PCM1: variants seen among roughly 807,000 people sequenced by gnomAD.
PCM1 encodes the protein pericentriolar material 1 protein.
PCM1 carries 157 observed loss-of-function variants against 241.9 expected under a neutral mutation model. That is an observed-to-expected ratio of 0.65 (90% CI 0.57 to 0.74). The LOEUF (loss-of-function observed/expected upper bound fraction) is 0.74. PCM1 is among the 30% of genes least tolerant of loss of function. The probability of loss-of-function intolerance (pLI) is 0.00; values close to 1 mark genes in which losing one functional copy is unlikely to be tolerated. For synonymous variants in PCM1, 1,085 were observed against 784.9 expected, an observed-to-expected ratio of 1.38 and a Z score of -6.39; for missense variants, 3,478 against 2,360.1, an observed-to-expected ratio of 1.47 and a Z score of -9.81.
intron 7 of PCM1, among the ~76,000 whole-genome samples, chr8:17,948,574 A>G (rs2064811223): frequency 6.6e-6 from 1 of 152,050 alleles, no homozygotes; most frequent in African/African-American, 2.4e-5. Context: ...AAGTGCTGGG[A>G]TTACAGGCGT....
intron 24 of PCM1, among the ~76,000 whole-genome samples, chr8:17,983,712 A>G (rs187993749): frequency 3.9e-5 from 6 of 152,304 alleles, no homozygotes; most frequent in Admixed American, 3.3e-4. Context: ...GACGTGATAA[A>G]TAAAGATCAT....
intron 33 of PCM1, 23 bp downstream of exon 33, chr8:18,011,389 A>G (rs757405859): frequency 4.6e-6 from 7 of 1,517,500 alleles, no homozygotes; most frequent in Non-Finnish European, 6.1e-6. Flanking sequence ...GCTCTGTACT[A>G]TCTTTATACT....
chr8:17,939,687 G>A lies in PCM1; in HGVS notation c.613-4G>A. The A allele has an allele frequency of 6.7e-7, 1 of 1,494,898 alleles. No individual in the cohort carries two copies. The highest frequency in any genetic ancestry group is 1.3e-5 in the South Asian group (1 of 75,086). The allele number at this position is 1,494,898 out of a possible 1,614,324, so 92.6% of individuals were successfully genotyped here. On this transcript the variant is annotated splice_polypyrimidine_tract_variant and splice_region_variant and intron_variant, in intron 5 of 38. Transcript: ENST00000325083. Reference sequence around the variant, plus strand: ...TTTTTTTAAAAAAAATATTTCCCCTGCAGATTGTAAGCAGGCTTGTTCAAA... The same window carrying A: ...TTTTTTTAAAAAAAATATTTCCCCTACAGATTGTAAGCAGGCTTGTTCAAA...
chr8:17,974,859 A>G (rs747214713), intron 23 of PCM1, among the ~76,000 whole-genome samples: 67 of 118,992 alleles, frequency 5.6e-4, no homozygotes, highest in African/African-American at 1.8e-3. Flanking sequence ...ACTTTAAGGC[A>G]CACACACACA....
chr8:17,948,673 TTTG>T (rs2064849810), intron 7 of PCM1, among the ~76,000 whole-genome samples: 1 of 152,198 alleles, frequency 6.6e-6, no homozygotes, highest in Non-Finnish European at 1.5e-5. Flanking sequence ...TACAAAGATT[TTTG>T]TCCCCATTTC....
chr8:17,973,295 G>A (rs549598941), intron 23 of PCM1, among the ~76,000 whole-genome samples: 1 of 152,270 alleles, frequency 6.6e-6, no homozygotes, highest in South Asian at 2.1e-4. Context: ...ATTTACTGAA[G>A]TGTAGTACTA....
intron 6 of PCM1, among the ~76,000 whole-genome samples, chr8:17,944,812 AAGT>A (rs992361442): frequency 2.6e-5 from 4 of 152,206 alleles, no homozygotes; most frequent in African/African-American, 9.6e-5. Context: ...GAAAGTTATT[AAGT>A]AGTAATATTT....
chr8:17,962,462 G>A (rs1301765876), intron 16 of PCM1, among the ~76,000 whole-genome samples: 2 of 151,632 alleles, frequency 1.3e-5, no homozygotes, highest in African/African-American at 4.8e-5. Flanking sequence ...GTAAATATTT[G>A]GCAGAAATAT....
In PCM1 at chr8:17,938,601, C is replaced by G. The variant is rs376472402; in HGVS notation, c.343-139C>G. The stretch of plus-strand genomic sequence containing the variant: ...GAAAGACTGTTACAGAGCCAAAGCT[C>G]TTTCAGGTCTTAGTGCAAAGCTCTT... On this transcript the variant is annotated intron_variant, in intron 4 of 38. Coordinates refer to ENST00000325083, the MANE Select transcript of PCM1 (RefSeq NM_006197.4). 6 of 620,358 alleles carry G rather than the reference C, an allele frequency of 9.7e-6. No homozygotes were observed. In the East Asian group the frequency reaches 1.4e-4, roughly 14 times the overall value. 38.4% of individuals were successfully genotyped at this position (620,358 alleles called of 1,614,324 possible). A position where few individuals can be genotyped will look rare whatever the true frequency, so the allele number is the denominator to read the frequency against.
intron 24 of PCM1, among the ~76,000 whole-genome samples, chr8:17,982,842 A>G (rs558290955): frequency 2.5e-4 from 38 of 152,280 alleles, no homozygotes; most frequent in African/African-American, 8.9e-4. Flanking sequence ...AATTCCTTAT[A>G]GCATGTAAGG....
chr8:17,986,680 A>G (rs1356162247), intron 26 of PCM1, among the ~76,000 whole-genome samples: 1 of 151,744 alleles, frequency 6.6e-6, no homozygotes, highest in Non-Finnish European at 1.5e-5. Context: ...CAGTGACAGA[A>G]CTGCTAGTAT....
At chr8:17,952,224 A>AAAAC (rs1554648383) in intron 8 of PCM1, among the ~76,000 whole-genome samples, 1 of 146,972 alleles carries the variant, frequency 6.8e-6, no homozygotes, top group African/African-American at 2.5e-5. Flanking sequence ...CTTTGTCTCA[A>AAAAC]AAATAAATAA....
chr8:18,001,557 C>T lies in PCM1; in HGVS notation c.4828-4706C>T, dbSNP rs2089431579. 1.3e-5 allele frequency among the ~76,000 whole-genome samples: 2 copies of T among 152,126 alleles called. 1 individual carries two copies. The highest frequency in any genetic ancestry group is 2.9e-5 in the Non-Finnish European group (2 of 68,010). On this transcript the variant is annotated intron_variant, in intron 29 of 38. Coordinates refer to ENST00000325083, the MANE Select transcript of PCM1 (RefSeq NM_006197.4). The stretch of plus-strand genomic sequence containing the variant: ...CAACAAATGGAATAGGAAGACAGGA[C>T]TTCTTTCTGAGATGGCATTCATTAC...
At chr8:17,982,593 C>G in intron 24 of PCM1, 1 of 152,134 alleles carries the variant, frequency 6.6e-6, no homozygotes, top group East Asian at 1.9e-4. Context: ...CTCCCGGGTT[C>G]GAGCGATTCT....
In PCM1 at chr8:17,997,069, T is replaced by C. The variant is rs867449375; in HGVS notation, c.4827+3450T>C. ...ATGGAAATAAAGTATTTAGTATTTCTTGTCAGACAGGTCTGGTGTTGATGA... is the reference window on the plus strand; with the variant it reads ...ATGGAAATAAAGTATTTAGTATTTCCTGTCAGACAGGTCTGGTGTTGATGA... On this transcript the variant is annotated intron_variant, in intron 29 of 38. Coordinates refer to ENST00000325083, the MANE Select transcript of PCM1 (RefSeq NM_006197.4). 4.5e-4 allele frequency among the ~76,000 whole-genome samples: 68 copies of C among 152,126 alleles called. 1 individual carries two copies. Among genetic ancestry groups the C allele is most frequent in the Middle Eastern group, 3.4e-3 (1 of 294 alleles).
chr8:17,989,254 T>G (rs548983317), intron 26 of PCM1, among the ~76,000 whole-genome samples: 1 of 151,926 alleles, frequency 6.6e-6, no homozygotes, highest in Non-Finnish European at 1.5e-5. Flanking sequence ...TCTACAGTGA[T>G]AGAAATCATG....
At chr8:17,979,496 C>T (rs1252216676) in intron 23 of PCM1, among the ~76,000 whole-genome samples, 2 of 152,004 alleles carry the variant, frequency 1.3e-5, no homozygotes, top group Non-Finnish European at 2.9e-5. Flanking sequence ...TTGTAATATC[C>T]AGTAGCATGA....
chr8:17,990,137 T>C (rs2084032097), intron 27 of PCM1, among the ~76,000 whole-genome samples, 158 bp downstream of exon 27: 1 of 152,120 alleles, frequency 6.6e-6, no homozygotes, highest in Non-Finnish European at 1.5e-5. Flanking sequence ...AAGAATCTTC[T>C]GACTCTTAAC....
chr8:17,981,089 G>C (rs2080598329), intron 24 of PCM1, among the ~76,000 whole-genome samples: 1 of 152,136 alleles, frequency 6.6e-6, no homozygotes, highest in East Asian at 1.9e-4. Context: ...GGCTTACTGT[G>C]CCTACAGGAT....
Sources: gnomAD v4.1 joint callset for allele counts (sites outside exome capture counted in the v4.1 genomes callset) on GRCh38, gnomAD v4.1.1 for gene constraint, MANE v1.5 for transcripts, NCBI Gene and HGNC (gene_info 2026-07-23, HGNC 2026-07-21) for gene names.